ARHGAP42: variants seen among roughly 807,000 people sequenced by gnomAD.
ARHGAP42 encodes rho GTPase-activating protein 42.
ARHGAP42 carries 63 observed loss-of-function variants against 125.0 expected under a neutral mutation model. That is an observed-to-expected ratio of 0.50 (90% CI 0.41 to 0.62). The LOEUF (loss-of-function observed/expected upper bound fraction) is 0.62. Ranked by LOEUF, ARHGAP42 falls within the 20% of genes least tolerant of loss-of-function variation. The pLI is 0.00. For missense variants in ARHGAP42, 766 were observed against 1,024.2 expected (o/e 0.75, Z 3.44); for synonymous variants, 339 against 351.0 (o/e 0.97, Z 0.38).
At position 100,907,770 on chromosome 11, in the gene ARHGAP42, GGAA is replaced by G. The variant is rs145185287; in HGVS notation, c.385-5674_385-5672del. Reference sequence around the variant, plus strand: ...GCAAGGAGTACATCCCACCATCAGAGGAAGAAGAAGTCTAATTAGGGGTGGTAG... The same window carrying G: ...GCAAGGAGTACATCCCACCATCAGAGGAAGAAGTCTAATTAGGGGTGGTAG... On this transcript the variant is annotated intron_variant, in intron 4 of 23. Coordinates refer to ENST00000298815, the MANE Select transcript of ARHGAP42 (RefSeq NM_152432.4). 2.9e-3 allele frequency among the ~76,000 whole-genome samples: 441 copies of G among 152,244 alleles called. 2 individuals carry two copies. Among genetic ancestry groups the G allele is most frequent in the African/African-American group, 1.0e-2 (415 of 41,538 alleles).
At chr11:100,830,347 T>C (rs757009554) in intron 3 of ARHGAP42, among the ~76,000 whole-genome samples, 1 of 152,206 alleles carries the variant, frequency 6.6e-6, no homozygotes, top group Non-Finnish European at 1.5e-5. Context: ...AAGATTCATA[T>C]TGGCAACCTG....
intron 6 of ARHGAP42, among the ~76,000 whole-genome samples, chr11:100,925,237 C>G (rs1460256774): frequency 3.3e-5 from 5 of 151,930 alleles, no homozygotes; most frequent in Non-Finnish European, 5.9e-5. Context: ...CTAGACCCAC[C>G]ATTCTGTATG....
At chr11:100,941,470 C>T (rs933749241) in intron 8 of ARHGAP42, among the ~76,000 whole-genome samples, 1 of 152,136 alleles carries the variant, frequency 6.6e-6, no homozygotes, top group African/African-American at 2.4e-5. Context: ...CGGACTCATT[C>T]CTCATTCTTC....
At chr11:100,974,079 C>T (rs1858324479) in intron 18 of ARHGAP42, among the ~76,000 whole-genome samples, 1 of 152,182 alleles carries the variant, frequency 6.6e-6, no homozygotes, top group Admixed American at 6.5e-5. Context: ...AGCATGGCAG[C>T]ATCTTCTCCT....
intron 3 of ARHGAP42, chr11:100,839,526 G>A (rs1483347850): frequency 1.3e-5 from 2 of 152,212 alleles, no homozygotes; most frequent in African/African-American, 4.8e-5. Context: ...AGATGGAGTA[G>A]AGTAAAAGCA....
intron 1 of ARHGAP42, among the ~76,000 whole-genome samples, chr11:100,695,797 T>A (rs1354818701): frequency 2.0e-5 from 3 of 152,232 alleles, no homozygotes; most frequent in Non-Finnish European, 4.4e-5. Flanking sequence ...AATCTGTCAG[T>A]TGTCCCAACC....
chr11:100,913,239 G>T (rs115695011), intron 4 of ARHGAP42, among the ~76,000 whole-genome samples: 6 of 152,062 alleles, frequency 3.9e-5, no homozygotes, highest in Non-Finnish European at 7.4e-5. Flanking sequence ...ATTTCTCACC[G>T]CAAGATGGAA....
At chr11:100,893,154 T>C (rs1338023250) in intron 4 of ARHGAP42, among the ~76,000 whole-genome samples, 1 of 121,660 alleles carries the variant, frequency 8.2e-6, no homozygotes, top group Non-Finnish European at 1.7e-5. Flanking sequence ...GAGAAACATT[T>C]AGGGGTGTGT....
Position 100,837,685 on chromosome 11 carries a change from T to TTA in ARHGAP42, c.313-21868_313-21867insAT, listed in dbSNP as rs1565235560. ...GTCATCCTTTTTTTTTTTTTTTTTT[T>TTA]TTTTTTTTTTTTAGTAAATATGCTT... On this transcript the variant is annotated intron_variant, in intron 3 of 23. Transcript: ENST00000298815. Among the ~76,000 whole-genome samples, 36 of 131,456 alleles carry TTA rather than the reference T, an allele frequency of 2.7e-4. No homozygotes were observed. The East Asian group carries it at 5.9e-3, about 22-fold the overall frequency. The allele number at this position is 131,456 out of a possible 152,430, so 86.2% of individuals were successfully genotyped here. A position where few individuals can be genotyped will look rare whatever the true frequency, so the allele number is the denominator to read the frequency against.
At chr11:100,805,496 G>C (rs1863966757) in intron 3 of ARHGAP42, among the ~76,000 whole-genome samples, 1 of 152,172 alleles carries the variant, frequency 6.6e-6, no homozygotes, top group Non-Finnish European at 1.5e-5. Flanking sequence ...TCCCAAGAGA[G>C]GGTTCTTGGA....
intron 11 of ARHGAP42, 81 bp downstream of exon 11, chr11:100,948,616 A>G (rs1868088156): frequency 1.8e-6 from 2 of 1,127,952 alleles, no homozygotes; most frequent in Non-Finnish European, 2.5e-6. Context: ...CATAGTATAC[A>G]ATGTTTTGCC....
In ARHGAP42 at chr11:100,859,596, T is replaced by C; in HGVS notation, c.355T>C (p.Phe119Leu). Residue 119 changes from phenylalanine (F) to leucine (L), a missense_variant, in exon 4 of 24, where the codon TTT becomes CTT. This residue lies in a region of ARHGAP42 where 455 missense variants were observed against 636.5 expected (regional missense o/e 0.71). Coordinates refer to ENST00000298815, the MANE Select transcript of ARHGAP42 (RefSeq NM_152432.4). ...TGTATTAATTGCACCACTTGAGAAA[T>C]TTCGAAAAGAACAGATAGGTGCAGC... Reference protein sequence around the residue: ...NDVLIAPLEKFRKEQIGAAKD... With the variant: ...NDVLIAPLEKLRKEQIGAAKD... The C allele has an allele frequency of 6.6e-7, 1 of 1,523,990 alleles. No individual in the cohort carries two copies. Among genetic ancestry groups the C allele is most frequent in the Non-Finnish European group, 8.8e-7 (1 of 1,136,682 alleles). The allele number at this position is 1,523,990 out of a possible 1,614,324, so 94.4% of individuals were successfully genotyped here.
At chr11:100,875,125 G>C (rs1385599462) in intron 4 of ARHGAP42, among the ~76,000 whole-genome samples, 13 of 121,294 alleles carry the variant, frequency 1.1e-4, no homozygotes, top group South Asian at 2.3e-4. Flanking sequence ...GTGTGTGTGT[G>C]TGTGTGTGTG....
intron 1 of ARHGAP42, among the ~76,000 whole-genome samples, chr11:100,751,662 C>A (rs1221198108): frequency 6.6e-6 from 1 of 150,920 alleles, no homozygotes; most frequent in African/African-American, 2.4e-5. Flanking sequence ...GAGGTCTTAA[C>A]ACAGGCAAGG....
intron 1 of ARHGAP42, among the ~76,000 whole-genome samples, chr11:100,734,617 C>G (rs535069190): frequency 9.2e-5 from 14 of 152,304 alleles, no homozygotes; most frequent in African/African-American, 3.4e-4. Context: ...AGCTCTTCTG[C>G]AGGATTTTTG....
chr11:100,908,438 C>T (rs779679347), intron 4 of ARHGAP42, among the ~76,000 whole-genome samples: 5 of 152,190 alleles, frequency 3.3e-5, no homozygotes, highest in Non-Finnish European at 7.3e-5. Flanking sequence ...TTACTCCACT[C>T]TGTATATTCA....
chr11:100,749,806 G>T (rs957493109), intron 1 of ARHGAP42, among the ~76,000 whole-genome samples: 3 of 152,092 alleles, frequency 2.0e-5, no homozygotes, highest in African/African-American at 7.2e-5. Flanking sequence ...GGTCGTTTGT[G>T]ATCATTCACC....
intron 3 of ARHGAP42, among the ~76,000 whole-genome samples, chr11:100,848,167 C>G (rs1391285919): frequency 6.6e-6 from 1 of 152,076 alleles, no homozygotes; most frequent in South Asian, 2.1e-4. Context: ...TGTTAGTATG[C>G]AAAGCTATTT....
At chr11:100,885,772 A>G (rs2165665) in intron 4 of ARHGAP42, among the ~76,000 whole-genome samples, 42,546 of 152,162 alleles carry the variant, frequency 0.28, 7,328 homozygotes, top group East Asian at 0.75. Flanking sequence ...TTGCATATAT[A>G]TGAATGCAAC....
Sources: allele counts gnomAD v4.1 joint callset (sites outside exome capture counted in the v4.1 genomes callset), GRCh38; gene constraint gnomAD v4.1.1; regional missense constraint gnomAD v4.1.1; transcripts MANE v1.5; gene names NCBI Gene and HGNC (gene_info 2026-07-23, HGNC 2026-07-21).